NAT10: variants seen among roughly 807,000 people sequenced by gnomAD.
NAT10 encodes N-acetyltransferase 10.
Under a neutral mutation model 132.2 loss-of-function variants are expected in NAT10, and 109 were observed. The ratio of observed to expected loss-of-function variants is 0.82; its 90% CI spans 0.71 to 0.97. NAT10 has a LOEUF of 0.97. Ranked by LOEUF, NAT10 falls within the 50% of genes least tolerant of loss-of-function variation. NAT10 has a pLI of 0.00. For synonymous variants in NAT10, 479 were observed against 478.0 expected, an observed-to-expected ratio of 1.00 and a Z score of -0.03; for missense variants, 1,184 against 1,263.4, an observed-to-expected ratio of 0.94 and a Z score of 0.95.
At chr11:34,145,902 C>T (rs1852430823) in intron 28 of NAT10, among the ~76,000 whole-genome samples, 182 bp from the exon 29 acceptor site, 1 of 152,174 alleles carries the variant, frequency 6.6e-6, no homozygotes, top group Non-Finnish European at 1.5e-5. Flanking sequence ...GGTGTGTCCC[C>T]AGCCCCAGCA....
At chr11:34,111,564 T>C (rs1487403417) in intron 3 of NAT10, among the ~76,000 whole-genome samples, 1 of 152,200 alleles carries the variant, frequency 6.6e-6, no homozygotes, top group Non-Finnish European at 1.5e-5. Flanking sequence ...TATTGTCTTA[T>C]GTAAGACCTG....
Position 34,112,212 on chromosome 11 carries a change from T to G in NAT10, c.361T>G (p.Cys121Gly), listed in dbSNP as rs1851708624. 1 of 1,614,230 alleles carries G rather than the reference T, an allele frequency of 6.2e-7. No homozygotes were observed. The highest frequency in any genetic ancestry group is 1.3e-5 in the African/African-American group (1 of 75,062). Residue 121 changes from cysteine to glycine, a missense_variant, in exon 4 of 29, where the codon TGT becomes GGT. By Grantham distance (159) the Cys-to-Gly change is radical. Transcript: ENST00000257829. ...GATCCTGGGCAATACCTTCGGCATG[T>G]GTGTGCTGCAGGTGGGTGGCTTCCT... ...HKILGNTFGM[C>G]VLQDFEALTP...
At chr11:34,118,150 A>G (rs773345316) in intron 6 of NAT10, 30 bp from the exon 7 acceptor site, 13 of 1,558,428 alleles carry the variant, frequency 8.3e-6, no homozygotes, top group Middle Eastern at 1.7e-4. Context: ...GCCCTCCCCA[A>G]CACTTCATTG....
rs922097998 is a variant in NAT10, at chr11:34,122,647, T to C, written c.914+55T>C. 5.6e-6 allele frequency: 9 copies of C among 1,600,042 alleles called. No individual in the cohort carries two copies. The African/African-American group carries it at 1.2e-4, about 21-fold the overall frequency. ...AACTCTGGGCTCTGTGGGGGTAGTGTGCAGGGTTGGGGTCAGAGGACTGGT... is the reference window on the plus strand; with the variant it reads ...AACTCTGGGCTCTGTGGGGGTAGTGCGCAGGGTTGGGGTCAGAGGACTGGT... On this transcript the variant is annotated intron_variant, in intron 9 of 28. Coordinates refer to ENST00000257829, the MANE Select transcript of NAT10 (RefSeq NM_024662.3).
intron 3 of NAT10, 73 bp downstream of exon 3, chr11:34,108,906 C>T: frequency 7.3e-7 from 1 of 1,361,738 alleles, no homozygotes. Flanking sequence ...GGAAATGATT[C>T]CTTCACATAT....
chr11:34,125,906 T>TG (rs1851982616), intron 11 of NAT10, among the ~76,000 whole-genome samples: 1 of 152,142 alleles, frequency 6.6e-6, no homozygotes, highest in Admixed American at 6.5e-5. Context: ...GGTTGAACCC[T>TG]GGAGGCAGAG....
chr11:34,120,081 G>A (rs1311355810), intron 8 of NAT10, among the ~76,000 whole-genome samples: 1 of 151,256 alleles, frequency 6.6e-6, no homozygotes, highest in African/African-American at 2.4e-5. Flanking sequence ...GGAGAGAGGA[G>A]GGTACCTTCT....
At chr11:34,112,554 C>T (rs1166062169) in intron 4 of NAT10, among the ~76,000 whole-genome samples, 1 of 152,234 alleles carries the variant, frequency 6.6e-6, no homozygotes, top group East Asian at 1.9e-4. Flanking sequence ...TTGGCATTCA[C>T]CAAAGACTTT....
Position 34,136,722 on chromosome 11 carries a change from C to T in NAT10, c.2109C>T (p.Ala703=), listed in dbSNP as rs779738249. 24 of 1,614,022 alleles carry T rather than the reference C, an allele frequency of 1.5e-5. No homozygotes were observed. The highest frequency in any genetic ancestry group is 1.6e-4 in the Middle Eastern group (1 of 6,084). The change falls in exon 20 of 29, where the codon GCC becomes GCT. Residue 703 remains alanine (A), a synonymous_variant. Coordinates refer to ENST00000257829, the MANE Select transcript of NAT10 (RefSeq NM_024662.3). ...PLLLKLNERP[A]ERLDYLGVSY... is the part of the protein sequence containing the mutation. ...TCCTCAAATTGAATGAGAGGCCTGCCGAACGCCTGGATTACCTGGGTGTTT... is the reference window on the plus strand; with the variant it reads ...TCCTCAAATTGAATGAGAGGCCTGCTGAACGCCTGGATTACCTGGGTGTTT...
At chr11:34,143,128 G>T (rs965003073) in intron 27 of NAT10, among the ~76,000 whole-genome samples, 1 of 152,204 alleles carries the variant, frequency 6.6e-6, no homozygotes, top group Non-Finnish European at 1.5e-5. Flanking sequence ...AGCTTCTTTG[G>T]TGGATGTTAA....
At chr11:34,109,959 C>A (rs1590759071) in intron 3 of NAT10, among the ~76,000 whole-genome samples, 1 of 152,160 alleles carries the variant, frequency 6.6e-6, no homozygotes, top group South Asian at 2.1e-4. Context: ...AATGCCCACA[C>A]CTGGCCAGAG....
chr11:34,131,114 G>A (rs1852097823), intron 13 of NAT10, among the ~76,000 whole-genome samples, 177 bp downstream of exon 13: 1 of 152,164 alleles, frequency 6.6e-6, no homozygotes, highest in African/African-American at 2.4e-5. Context: ...CCAGTGACCA[G>A]ATGGGAGCCA....
rs762109453 is a variant in NAT10, at chr11:34,139,502, C to T, written c.2419+7C>T. On this transcript the variant is annotated splice_region_variant and intron_variant, in intron 23 of 28. Coordinates refer to ENST00000257829, the MANE Select transcript of NAT10 (RefSeq NM_024662.3). ...GGGAAGCCAGCCCAGCCTGGTGAGC[C>T]GGGTGGGGACAGGGAGGAGGGTTGG... 14 of 1,610,512 alleles carry T rather than the reference C, an allele frequency of 8.7e-6. No individual in the cohort carries two copies. Among genetic ancestry groups the T allele is most frequent in the Admixed American group, 3.3e-5 (2 of 59,984 alleles).
At position 34,132,185 on chromosome 11, in the gene NAT10, A is replaced by G. The variant is rs1852118436; in HGVS notation, c.1581A>G (p.Gln527=). Residue 527 remains glutamine, a synonymous_variant, in exon 15 of 29, where the codon CAA becomes CAG. Coordinates refer to ENST00000257829, the MANE Select transcript of NAT10 (RefSeq NM_024662.3). ...CYHKASEVFL[Q]RLMALYVASH... is the part of the protein sequence containing the mutation. ...ACAAGGCCTCTGAAGTTTTCCTCCA[A>G]CGGCTTATGGCCCTCTACGTGGCTT... is the stretch of plus-strand genomic sequence containing the variant. 2 of 1,613,988 alleles carry G rather than the reference A, an allele frequency of 1.2e-6. No individual in the cohort carries two copies. Among genetic ancestry groups the G allele is most frequent in the Admixed American group, 1.7e-5 (1 of 59,988 alleles).
chr11:34,107,852 C>T, intron 1 of NAT10, among the ~76,000 whole-genome samples: 1 of 152,278 alleles, frequency 6.6e-6, no homozygotes, highest in East Asian at 1.9e-4. Context: ...TCCAGCCTGG[C>T]GACAGAGTGA....
At position 34,136,710 on chromosome 11, in the gene NAT10, T is replaced by G. The variant is rs764942080; in HGVS notation, c.2097T>G (p.Asn699Lys). 5.6e-6 allele frequency: 9 copies of G among 1,614,078 alleles called. No individual in the cohort carries two copies. In the South Asian group the frequency reaches 8.8e-5, roughly 16 times the overall value. ...TGCCTCCTTTACTCCTCAAATTGAA[T>G]GAGAGGCCTGCCGAACGCCTGGATT... ...KDLPPLLLKL[N>K]ERPAERLDYL... The change falls in exon 20 of 29, where the codon AAT becomes AAG. Residue 699 changes from asparagine (N) to lysine (K), a missense_variant. Physicochemically the swap from Asn to Lys is moderately conservative, Grantham distance 94. Coordinates refer to ENST00000257829, the MANE Select transcript of NAT10 (RefSeq NM_024662.3).
chr11:34,113,080 A>G (rs1183486701), intron 4 of NAT10, among the ~76,000 whole-genome samples: 2 of 152,228 alleles, frequency 1.3e-5, no homozygotes, highest in African/African-American at 4.8e-5. Flanking sequence ...ACTCAGGGAA[A>G]TGCCCTGGGT....
intron 19 of NAT10, among the ~76,000 whole-genome samples, 177 bp downstream of exon 19, chr11:34,135,468 G>A (rs1241360990): frequency 2.0e-5 from 3 of 152,092 alleles, no homozygotes; most frequent in Non-Finnish European, 4.4e-5. Context: ...GGATCATCTG[G>A]CAGCTTGTTA....
chr11:34,127,367 G>C, intron 11 of NAT10, 96 bp from the exon 12 acceptor site: 5 of 1,289,384 alleles, frequency 3.9e-6, no homozygotes, highest in Non-Finnish European at 5.4e-6. Flanking sequence ...AACAGGGAGA[G>C]AGAGGAAAGA....
Sources: gnomAD v4.1 joint callset for allele counts (sites outside exome capture counted in the v4.1 genomes callset) on GRCh38, gnomAD v4.1.1 for gene constraint, MANE v1.5 for transcripts, NCBI Gene and HGNC (gene_info 2026-07-23, HGNC 2026-07-21) for gene names.